The following UBE3D variants were observed in gnomAD, a reference collection of about 807,000 sequenced individuals.
The protein encoded by UBE3D is ubiquitin protein ligase E3D.
A neutral mutation model predicts 49.6 loss-of-function variants in UBE3D; 48 were observed. That is an observed-to-expected ratio of 0.97 (90% CI 0.77 to 1.23). The LOEUF is 1.23. Ranked by LOEUF, UBE3D falls within the 50% of genes most tolerant of loss-of-function variation. UBE3D has a pLI of 0.00. For missense variants in UBE3D, 452 were observed against 468.4 expected (o/e 0.96, Z 0.32); for synonymous variants, 189 against 174.2 (o/e 1.08, Z -0.67).
chr6:83,036,735 T>C (rs978292539), intron 5 of UBE3D: 32 of 151,900 alleles, frequency 2.1e-4, no homozygotes, highest in African/African-American at 7.3e-4. Flanking sequence ...TTTTTTTTTT[T>C]TTTAAGAGAT....
chr6:82,886,579 T>G, the UBE3D span, among the ~76,000 whole-genome samples: 1 of 152,194 alleles, frequency 6.6e-6, no homozygotes, highest in African/African-American at 2.4e-5. Flanking sequence ...AACACAAGCA[T>G]TGAAACTTGC....
At chr6:82,998,498 G>A (rs1445768307) in intron 8 of UBE3D, among the ~76,000 whole-genome samples, 1 of 152,078 alleles carries the variant, frequency 6.6e-6, no homozygotes, top group African/African-American at 2.4e-5. Flanking sequence ...CTTACAAAAT[G>A]GGATTACAAA....
chr6:82,898,404 A>T (rs1008007412), intron 9 of UBE3D, among the ~76,000 whole-genome samples: 20 of 152,326 alleles, frequency 1.3e-4, no homozygotes, highest in South Asian at 6.2e-4. Flanking sequence ...CACTGTTCAC[A>T]ATAGCAAAGA....
At chr6:83,037,724 C>T (rs1782364752) in intron 5 of UBE3D, 1 of 152,140 alleles carries the variant, frequency 6.6e-6, no homozygotes, top group Non-Finnish European at 1.5e-5. Context: ...TTGTAGTTCT[C>T]TAGACACTAT....
chr6:83,041,918 A>C (rs544987603), intron 4 of UBE3D, among the ~76,000 whole-genome samples: 259 of 148,610 alleles, frequency 1.7e-3, no homozygotes, highest in Middle Eastern at 3.5e-3. Flanking sequence ...CTATTATATA[A>C]TTTTTTTTTT....
chr6:83,004,717 A>T (rs926456640), intron 8 of UBE3D, among the ~76,000 whole-genome samples: 7 of 152,240 alleles, frequency 4.6e-5, no homozygotes, highest in Non-Finnish European at 1.0e-4. Context: ...TTGTTTTAGC[A>T]GGTTACACAA....
intron 1 of UBE3D, among the ~76,000 whole-genome samples, chr6:83,064,414 G>GACA (rs1305761874): frequency 6.6e-6 from 1 of 152,086 alleles, no homozygotes; most frequent in Non-Finnish European, 1.5e-5. Flanking sequence ...TTTTAGTAGA[G>GACA]ACAGGGTTTC....
chr6:83,031,050 C>G (rs1389540562), intron 5 of UBE3D, among the ~76,000 whole-genome samples: 1 of 152,080 alleles, frequency 6.6e-6, no homozygotes, highest in Non-Finnish European at 1.5e-5. Flanking sequence ...TTCTGTTGCC[C>G]AGGCTGGAGT....
intron 8 of UBE3D, chr6:83,017,606 C>G (rs1780783815): frequency 6.6e-6 from 1 of 152,082 alleles, no homozygotes; most frequent in South Asian, 2.1e-4. Context: ...AGGCAAAAAT[C>G]TAAATGGAAA....
At chr6:83,015,524 C>T (rs1780636174) in intron 8 of UBE3D, among the ~76,000 whole-genome samples, 1 of 152,180 alleles carries the variant, frequency 6.6e-6, no homozygotes, top group African/African-American at 2.4e-5. Context: ...ACTCTATGTT[C>T]CTTCCACCAT....
At chr6:82,996,179 G>A (rs1779226394) in intron 8 of UBE3D, among the ~76,000 whole-genome samples, 1 of 152,046 alleles carries the variant, frequency 6.6e-6, no homozygotes, top group South Asian at 2.1e-4. Flanking sequence ...GAAAATATAA[G>A]GTGAGTCTGG....
At chr6:83,046,676 G>GGA (rs957789593) in intron 3 of UBE3D, among the ~76,000 whole-genome samples, 12 of 138,202 alleles carry the variant, frequency 8.7e-5, no homozygotes, top group East Asian at 2.3e-4. Context: ...AGTTGGCGGG[G>GGA]GGGGTGGGCG....
chr6:82,952,133 A>G (rs1775845358), intron 9 of UBE3D, among the ~76,000 whole-genome samples: 2 of 152,284 alleles, frequency 1.3e-5, no homozygotes, highest in South Asian at 2.1e-4. Context: ...TACTTTGTTT[A>G]ACCAACCTTA....
chr6:82,980,551 T>C (rs1778045786), intron 8 of UBE3D, among the ~76,000 whole-genome samples: 5 of 152,114 alleles, frequency 3.3e-5, no homozygotes, highest in Admixed American at 3.3e-4. Context: ...GTTATTTCTT[T>C]TCCTGTACAC....
chr6:82,952,432 ATT>A (rs200187722), intron 9 of UBE3D, among the ~76,000 whole-genome samples: 152 of 148,090 alleles, frequency 1.0e-3, no homozygotes, highest in Admixed American at 8.3e-3. Flanking sequence ...TTAATATCTA[ATT>A]TTTTTTTTTT....
At chr6:82,996,653 C>T (rs976116663) in intron 8 of UBE3D, among the ~76,000 whole-genome samples, 3 of 151,986 alleles carry the variant, frequency 2.0e-5, no homozygotes, top group Admixed American at 6.6e-5. Context: ...CTAACATTGC[C>T]GGTGATGGAA....
chr6:83,057,196 C>G (rs1165958876), intron 2 of UBE3D, among the ~76,000 whole-genome samples: 2 of 152,178 alleles, frequency 1.3e-5, no homozygotes, highest in Non-Finnish European at 2.9e-5. Context: ...ATTCAGGACT[C>G]AGGTCAAACA....
chr6:83,018,062 T>C (rs920799306), intron 8 of UBE3D: 3 of 152,174 alleles, frequency 2.0e-5, no homozygotes, highest in African/African-American at 7.2e-5. Context: ...ACCTTGTATA[T>C]ATCTCTTAGT....
intron 3 of UBE3D, among the ~76,000 whole-genome samples, chr6:83,052,772 G>A (rs1220488510): frequency 6.6e-6 from 1 of 152,128 alleles, no homozygotes; most frequent in Non-Finnish European, 1.5e-5. Flanking sequence ...TTGGAGAAAT[G>A]GGGGGCCATG....
Sources: gnomAD v4.1 joint callset for allele counts (sites outside exome capture counted in the v4.1 genomes callset) on GRCh38, gnomAD v4.1.1 for gene constraint, MANE v1.5 for transcripts, NCBI Gene and HGNC (gene_info 2026-07-23, HGNC 2026-07-21) for gene names.